The following TASP1 variants were observed in gnomAD, a reference collection of about 807,000 sequenced individuals.
The protein encoded by TASP1 is taspase 1.
Under a neutral mutation model 56.6 loss-of-function variants are expected in TASP1, and 16 were observed. The ratio of observed to expected loss-of-function variants is 0.28; its 90% CI spans 0.19 to 0.43. The LOEUF (loss-of-function observed/expected upper bound fraction) is 0.43, where lower values mean the gene tolerates loss of function less well. Among genes scored for constraint, TASP1 ranks in the 20% least tolerant of loss-of-function variants. The pLI is 1.00. For missense variants in TASP1, 393 were observed against 511.6 expected (o/e 0.77, Z 2.24); for synonymous variants, 179 against 184.2 (o/e 0.97, Z 0.23).
the TASP1 span, among the ~76,000 whole-genome samples, chr20:13,384,138 T>C: frequency 1.3e-5 from 2 of 152,258 alleles, no homozygotes; most frequent in Non-Finnish European, 2.9e-5. Context: ...AGTAACTCTT[T>C]GGATCTCCAT....
At chr20:13,251,638 G>A in the TASP1 span, among the ~76,000 whole-genome samples, 1 of 152,192 alleles carries the variant, frequency 6.6e-6, no homozygotes, top group East Asian at 1.9e-4. Flanking sequence ...AGAAGCTAGA[G>A]CTAGAAATAT....
chr20:13,402,008 T>A (rs2041755899), intron 13 of TASP1, among the ~76,000 whole-genome samples: 1 of 152,186 alleles, frequency 6.6e-6, no homozygotes, highest in Admixed American at 6.5e-5. Flanking sequence ...AATAAAGAAG[T>A]TCATCCACTT....
At chr20:13,288,014 T>A in the TASP1 span, among the ~76,000 whole-genome samples, 3 of 152,320 alleles carry the variant, frequency 2.0e-5, no homozygotes, top group South Asian at 2.1e-4. Flanking sequence ...GTAGTCCATG[T>A]GGCTCCTCTC....
the TASP1 span, among the ~76,000 whole-genome samples, chr20:13,340,109 T>C: frequency 1.3e-5 from 2 of 152,058 alleles, no homozygotes; most frequent in Non-Finnish European, 2.9e-5. Context: ...ATGACACATT[T>C]CTAGCTAATG....
the TASP1 span, among the ~76,000 whole-genome samples, chr20:13,236,375 T>C: frequency 3.3e-5 from 5 of 152,148 alleles, no homozygotes; most frequent in Non-Finnish European, 2.9e-5. Flanking sequence ...ATGATTCAAT[T>C]GCCTCCACCT....
At chr20:13,611,450 G>C (rs144263454) in intron 4 of TASP1, among the ~76,000 whole-genome samples, 33 of 152,214 alleles carry the variant, frequency 2.2e-4, no homozygotes, top group African/African-American at 7.5e-4. Context: ...GAATTTTTTT[G>C]AAAAGTCTAG....
chr20:13,532,846 C>T (rs568467181), intron 9 of TASP1, among the ~76,000 whole-genome samples: 1 of 152,174 alleles, frequency 6.6e-6, no homozygotes, highest in South Asian at 2.1e-4. Context: ...CCAAGCTTGA[C>T]TTTCCTATTG....
At chr20:13,501,227 T>C (rs2043933854) in intron 10 of TASP1, among the ~76,000 whole-genome samples, 2 of 152,042 alleles carry the variant, frequency 1.3e-5, no homozygotes, top group South Asian at 4.1e-4. Flanking sequence ...AAAGGGCATT[T>C]GTTTAGGTTA....
the TASP1 span, among the ~76,000 whole-genome samples, chr20:13,187,689 A>G: frequency 7.0e-6 from 1 of 142,286 alleles, no homozygotes; most frequent in South Asian, 2.4e-4. Flanking sequence ...CGGAGGTTGC[A>G]GACCACTGCA....
At chr20:13,118,427 C>T in the TASP1 span, among the ~76,000 whole-genome samples, 3 of 113,462 alleles carry the variant, frequency 2.6e-5, no homozygotes, top group Non-Finnish European at 5.1e-5. Flanking sequence ...ATTCTAGTGC[C>T]AATATCACCA....
chr20:13,514,931 T>C (rs957695093), intron 10 of TASP1, among the ~76,000 whole-genome samples: 3 of 152,188 alleles, frequency 2.0e-5, no homozygotes, highest in African/African-American at 7.2e-5. Context: ...AAACTGTTTC[T>C]ACATTTTACA....
At chr20:13,325,564 T>C in the TASP1 span, among the ~76,000 whole-genome samples, 4 of 152,186 alleles carry the variant, frequency 2.6e-5, no homozygotes, top group African/African-American at 9.6e-5. Context: ...TACCTAGTTG[T>C]CCCCAGAGAA....
At chr20:13,397,528 TCTTGA>T (rs776708976) in intron 13 of TASP1, among the ~76,000 whole-genome samples, 12 of 152,328 alleles carry the variant, frequency 7.9e-5, no homozygotes, top group Middle Eastern at 6.8e-3. Context: ...TTTAGGGCTA[TCTTGA>T]CTCCCCCTGA....
the TASP1 span, among the ~76,000 whole-genome samples, chr20:13,138,966 T>G: frequency 6.6e-6 from 1 of 152,298 alleles, no homozygotes; most frequent in Admixed American, 6.5e-5. Context: ...AAAAGTGTAT[T>G]TGACTTTTTC....
At chr20:13,420,033 T>G (rs575595241) in intron 12 of TASP1, among the ~76,000 whole-genome samples, 1 of 152,342 alleles carries the variant, frequency 6.6e-6, no homozygotes, top group Non-Finnish European at 1.5e-5. Context: ...ACAATACATT[T>G]TATTCAAATA....
chr20:13,228,835 C>A, the TASP1 span, among the ~76,000 whole-genome samples: 1 of 152,100 alleles, frequency 6.6e-6, no homozygotes, highest in Non-Finnish European at 1.5e-5. Context: ...TCTTCTCATA[C>A]TTTTATTTCT....
At chr20:13,465,651 T>C (rs1451822023) in intron 11 of TASP1, among the ~76,000 whole-genome samples, 2 of 152,018 alleles carry the variant, frequency 1.3e-5, no homozygotes, top group African/African-American at 4.8e-5. Context: ...TACCACTCAG[T>C]AATAAAAAGA....
intron 10 of TASP1, among the ~76,000 whole-genome samples, chr20:13,517,650 C>G (rs2044590513): frequency 6.6e-6 from 1 of 152,038 alleles, no homozygotes; most frequent in Non-Finnish European, 1.5e-5. Flanking sequence ...ATACAAGTAA[C>G]ATGTCGCACT....
the TASP1 span, among the ~76,000 whole-genome samples, chr20:13,374,922 A>C: frequency 1.3e-5 from 2 of 152,202 alleles, no homozygotes; most frequent in Non-Finnish European, 2.9e-5. Context: ...CTTTCCCCTC[A>C]TATCTTCATT....
Sources: allele counts gnomAD v4.1 joint callset (sites outside exome capture counted in the v4.1 genomes callset), GRCh38; gene constraint gnomAD v4.1.1; transcripts MANE v1.5; gene names NCBI Gene and HGNC (gene_info 2026-07-23, HGNC 2026-07-21).